MACF1: variants seen among roughly 807,000 people sequenced by gnomAD.
MACF1 encodes microtubule actin crosslinking factor 1.
MACF1 carries 193 observed loss-of-function variants against 854.8 expected under a neutral mutation model. That is an observed-to-expected ratio of 0.23 (90% CI 0.20 to 0.25). MACF1 has a LOEUF of 0.25. MACF1 is among the 10% of genes least tolerant of loss of function. MACF1 has a pLI of 1.00. For missense variants in MACF1, 7,722 were observed against 8,929.1 expected, an observed-to-expected ratio of 0.86 and a Z score of 5.45; for synonymous variants, 3,185 against 3,226.7, an observed-to-expected ratio of 0.99 and a Z score of 0.44.
chr1:39,134,897 T>C (rs1643125139), intron 2 of MACF1, among the ~76,000 whole-genome samples: 1 of 152,194 alleles, frequency 6.6e-6, no homozygotes, highest in Admixed American at 6.5e-5. Flanking sequence ...CTAGAACTTT[T>C]TCATCTTCTC....
chr1:39,334,031 G>T lies in MACF1; in HGVS notation c.7443G>T (p.Val2481=). ...ATAGTAAAGCACCTTTAACAGTTGT[G>T]CAGTCCATTGACAGAGGTCTTTTGG... ...DPDSKAPLTV[V]QSIDRGLLER... Residue 2481 remains valine (V), a synonymous_variant, in exon 37 of 101, where the codon GTG becomes GTT. Transcript: ENST00000564288. 3.1e-6 allele frequency: 5 copies of T among 1,614,186 alleles called. No homozygotes were observed. The highest frequency in any genetic ancestry group is 4.2e-6 in the Non-Finnish European group (5 of 1,180,026).
At chr1:39,218,523 ACT>A (rs1264670101) in intron 1 of MACF1, among the ~76,000 whole-genome samples, 1 of 150,916 alleles carries the variant, frequency 6.6e-6, no homozygotes, top group Non-Finnish European at 1.5e-5. Flanking sequence ...GACTCTTAAA[ACT>A]CTCTCTTTGT....
At chr1:39,397,609 C>T (rs930811746) in intron 58 of MACF1, among the ~76,000 whole-genome samples, 2 of 151,860 alleles carry the variant, frequency 1.3e-5, no homozygotes, top group Non-Finnish European at 2.9e-5. Flanking sequence ...GCTTAGCCTA[C>T]CTTAAACATA....
At chr1:39,391,266 C>CTA (rs945530088) in intron 58 of MACF1, among the ~76,000 whole-genome samples, 2 of 151,908 alleles carry the variant, frequency 1.3e-5, no homozygotes, top group Non-Finnish European at 2.9e-5. Context: ...GTTGTACTGT[C>CTA]TATACTATGG....
rs58410726 is a variant in MACF1, at chr1:39,247,068, ATTTTTTTTT to A, written c.172-2932_172-2924del. Among the ~76,000 whole-genome samples, 11 of 93,510 alleles carry A rather than the reference ATTTTTTTTT, an allele frequency of 1.2e-4. No homozygotes were observed. In the East Asian group the frequency reaches 2.8e-3, roughly 24 times the overall value. 61.3% of individuals were successfully genotyped at this position (93,510 alleles called of 152,430 possible). A position where few individuals can be genotyped will look rare whatever the true frequency, so the allele number is the denominator to read the frequency against. ...AGGTGCATACCACCATGCCCGGCTA[ATTTTTTTTT>A]TTTTTTTTTTTTTGAGACGGAGTTT... On this transcript the variant is annotated intron_variant, in intron 2 of 100. Coordinates refer to ENST00000564288, the MANE Select transcript of MACF1 (RefSeq NM_001394062.1).
Position 39,282,192 on chromosome 1 carries a change from TC to T in MACF1, c.529-13del. 1 of 1,612,456 alleles carries T rather than the reference TC, an allele frequency of 6.2e-7. No homozygotes were observed. The highest frequency in any genetic ancestry group is 8.5e-7 in the Non-Finnish European group (1 of 1,178,964). On this transcript the variant is annotated splice_polypyrimidine_tract_variant and intron_variant, in intron 6 of 100. Coordinates refer to ENST00000564288, the MANE Select transcript of MACF1 (RefSeq NM_001394062.1). ...CTTATTTATAATGAATTATTCTGTG[TC>T]CCATCTTTTGGCAGATCTCTGACAT...
intron 2 of MACF1, among the ~76,000 whole-genome samples, chr1:39,165,351 G>A (rs1459376306): frequency 2.0e-5 from 3 of 152,144 alleles, no homozygotes; most frequent in East Asian, 3.8e-4. Flanking sequence ...TAGACCATGT[G>A]CTTATTTGGA....
Position 39,231,289 on chromosome 1 carries a change from C to G in MACF1, c.171+46C>G, listed in dbSNP as rs201154276. ...TGCTGCCCCAGCACCTCTCACTGCTCTCATCTGGATCTGTCATTCCTTCTT... is the reference window on the plus strand; with the variant it reads ...TGCTGCCCCAGCACCTCTCACTGCTGTCATCTGGATCTGTCATTCCTTCTT... On this transcript the variant is annotated intron_variant, in intron 2 of 100. Coordinates refer to ENST00000564288, the MANE Select transcript of MACF1 (RefSeq NM_001394062.1). 957 of 1,523,666 alleles carry G rather than the reference C, an allele frequency of 6.3e-4. 5 individuals carry two copies. The highest frequency in any genetic ancestry group is 7.9e-4 in the Non-Finnish European group (866 of 1,098,048). The allele number at this position is 1,523,666 out of a possible 1,614,324, so 94.4% of individuals were successfully genotyped here. A position where few individuals can be genotyped will look rare whatever the true frequency, so the allele number is the denominator to read the frequency against.
At chr1:39,317,616 A>T (rs1378086538) in intron 29 of MACF1, among the ~76,000 whole-genome samples, 2 of 152,224 alleles carry the variant, frequency 1.3e-5, no homozygotes, top group Non-Finnish European at 2.9e-5. Context: ...CCTGTGTCCC[A>T]GGTCTTTTCT....
In MACF1 at chr1:39,459,187, G is replaced by T. The variant is rs778414947; in HGVS notation, c.21298G>T (p.Val7100Leu). The change falls in exon 91 of 101, where the codon GTG (valine) becomes TTG (leucine). Residue 7100 changes from valine to leucine, a missense_variant. Physicochemically the swap from Val to Leu is conservative, Grantham distance 32. This residue lies in a region of MACF1 where 729 missense variants were observed against 900.5 expected (regional missense o/e 0.81). Transcript: ENST00000564288. ...CCAGCTTTCTGCCCGCTGGCAGCAG[G>T]TGTGGCTGTTAGCACTGGAGCGGCA... ...INQLSARWQQ[V>L]WLLALERQRK... 10 of 1,614,162 alleles carry T rather than the reference G, an allele frequency of 6.2e-6. No individual in the cohort carries two copies. Among genetic ancestry groups the T allele is most frequent in the Non-Finnish European group, 8.5e-6 (10 of 1,180,010 alleles).
chr1:39,395,399 C>T (rs1642231809), intron 58 of MACF1, among the ~76,000 whole-genome samples: 2 of 152,198 alleles, frequency 1.3e-5, no homozygotes, highest in African/African-American at 4.8e-5. Flanking sequence ...GTAGTGGCAA[C>T]AACCACTTCT....
chr1:39,411,434 CT>C, intron 58 of MACF1: 2 of 1,613,976 alleles, frequency 1.2e-6, no homozygotes, highest in Non-Finnish European at 1.7e-6. Context: ...GGCCACCTAT[CT>C]CTTGGTCAGA....
At chr1:39,187,848 T>TTCTCTC (rs1310466849) in intron 2 of MACF1, among the ~76,000 whole-genome samples, 1 of 40,278 alleles carries the variant, frequency 2.5e-5, no homozygotes, top group South Asian at 7.7e-4. Flanking sequence ...GAGGCTGTCT[T>TTCTCTC]TCTCTCTCTC....
chr1:39,469,567 A>G lies in MACF1; in HGVS notation c.21910A>G (p.Ile7304Val), dbSNP rs990436529. 11 of 1,550,398 alleles carry G rather than the reference A, an allele frequency of 7.1e-6. No individual in the cohort carries two copies. Among genetic ancestry groups the G allele is most frequent in the Non-Finnish European group, 9.6e-6 (11 of 1,146,950 alleles). The change falls in exon 97 of 101, where the codon ATA becomes GTA. Residue 7304 changes from isoleucine (I) to valine (V), a missense_variant. By Grantham distance (29) the Ile-to-Val change is conservative (BLOSUM62 3). Coordinates refer to ENST00000564288, the MANE Select transcript of MACF1 (RefSeq NM_001394062.1). ...PCRVHHPGSKIKRSDSSSSIS... is the reference protein window; with the variant it reads ...PCRVHHPGSKVKRSDSSSSIS... ...TCTAGTTCACCATCCTGGGAGTAAA[A>G]TAAAGCGCTCTGATTCCAGCTCTTC...
chr1:39,323,471 A>G (rs1198243965), intron 33 of MACF1, among the ~76,000 whole-genome samples: 1 of 150,844 alleles, frequency 6.6e-6, no homozygotes, highest in Non-Finnish European at 1.5e-5. Context: ...TATAATATAT[A>G]TTTTATTTGA....
In MACF1 at chr1:39,448,542, C is replaced by A. The variant is rs1249129920; in HGVS notation, c.20089-52C>A. 7 of 1,396,892 alleles carry A rather than the reference C, an allele frequency of 5.0e-6. No homozygotes were observed. The African/African-American group carries it at 7.2e-5, about 14-fold the overall frequency. The allele number at this position is 1,396,892 out of a possible 1,614,324, so 86.5% of individuals were successfully genotyped here. ...AAACTCAAATTCTTTTGTTCCAAAT[C>A]AAGATGTCGTCTGACTTTTAACACT... On this transcript the variant is annotated intron_variant, in intron 83 of 100. Transcript: ENST00000564288.
At chr1:39,421,200 C>T (rs558648404) in intron 58 of MACF1, among the ~76,000 whole-genome samples, 33 of 152,302 alleles carry the variant, frequency 2.2e-4, no homozygotes, top group African/African-American at 6.7e-4. Flanking sequence ...GTACCATTCT[C>T]TTCTGACCCT....
intron 2 of MACF1, among the ~76,000 whole-genome samples, chr1:39,091,220 C>G (rs1641793799): frequency 6.6e-6 from 1 of 152,216 alleles, no homozygotes; most frequent in African/African-American, 2.4e-5. Context: ...CAGTGGATGT[C>G]TCTGGGATGC....
chr1:39,355,518 G>A (rs1428751513), intron 44 of MACF1, among the ~76,000 whole-genome samples: 1 of 130,520 alleles, frequency 7.7e-6, no homozygotes, highest in African/African-American at 2.9e-5. Context: ...CCAGGCTGGA[G>A]TGCAGTGGCA....
Sources: gnomAD v4.1 joint callset for allele counts (sites outside exome capture counted in the v4.1 genomes callset) on GRCh38, gnomAD v4.1.1 for gene constraint, gnomAD v4.1.1 regional missense constraint, MANE v1.5 for transcripts, NCBI Gene and HGNC (gene_info 2026-07-23, HGNC 2026-07-21) for gene names.